Variants in SLC26A4 observed in about 807,000 individuals in gnomAD.
SLC26A4 encodes pendrin.
A neutral mutation model predicts 90.4 loss-of-function variants in SLC26A4; 93 were observed. The ratio of observed to expected loss-of-function variants is 1.03; its 90% CI spans 0.87 to 1.22. SLC26A4 has a LOEUF of 1.22. SLC26A4 is among the 50% of genes most tolerant of loss of function. SLC26A4 has a pLI of 0.00. For missense variants in SLC26A4, 1,127 were observed against 946.2 expected (o/e 1.19, Z -2.51); for synonymous variants, 393 against 354.6 (o/e 1.11, Z -1.22).
At position 107,661,819 on chromosome 7, in the gene SLC26A4, G is replaced by T; in HGVS notation, c.164+14G>T. On this transcript the variant is annotated intron_variant, in intron 2 of 20. Transcript: ENST00000644269. This position sits in a 1 kb window ranked among gnomAD's most constrained non-coding sequence, Gnocchi z 5.1. ...CAAGTGCTGCAGGTAGCGGCCGCGC[G>T]GGCCTGCGTAGAGAGAAGCGGAGCG... The T allele has an allele frequency of 6.5e-7, 1 of 1,533,702 alleles. No homozygotes were observed. The highest frequency in any genetic ancestry group is 8.7e-7 in the Non-Finnish European group (1 of 1,145,304).
intron 18 of SLC26A4, among the ~76,000 whole-genome samples, chr7:107,705,950 C>T (rs988312426): frequency 1.3e-5 from 2 of 152,178 alleles, no homozygotes; most frequent in Admixed American, 6.5e-5. Flanking sequence ...CTGAGTTGCT[C>T]AGCTTCAGCT....
intron 2 of SLC26A4, among the ~76,000 whole-genome samples, chr7:107,662,445 T>C (rs1245672250): frequency 1.3e-5 from 2 of 152,306 alleles, no homozygotes; most frequent in South Asian, 2.1e-4. Context: ...AGTAGTATAA[T>C]GAACTCCCCA....
chr7:107,680,515 T>C (rs889687376), intron 6 of SLC26A4, among the ~76,000 whole-genome samples: 1 of 148,102 alleles, frequency 6.8e-6, no homozygotes, highest in Admixed American at 6.8e-5. Context: ...ACAATAATAA[T>C]GTAAACTGAC....
intron 12 of SLC26A4, among the ~76,000 whole-genome samples, chr7:107,695,268 A>G (rs566387494): frequency 1.4e-3 from 216 of 152,280 alleles, no homozygotes; most frequent in Non-Finnish European, 2.4e-3. Flanking sequence ...GCTGGGGAAA[A>G]GCACAGACAC....
Position 107,715,583 on chromosome 7 carries a change from A to G in SLC26A4, c.*137A>G, listed in dbSNP as rs1792326234. 5.2e-6 allele frequency: 4 copies of G among 766,262 alleles called. No individual in the cohort carries two copies. The highest frequency in any genetic ancestry group is 9.5e-6 in the Non-Finnish European group (4 of 420,948). The allele number at this position is 766,262 out of a possible 1,614,324, so 47.5% of individuals were successfully genotyped here. A position where few individuals can be genotyped will look rare whatever the true frequency, so the allele number is the denominator to read the frequency against. ...AAAGAGAAGCACTAAGACTGCTTCT[A>G]GGCTTTATTTATAAAATAAACACCT... On this transcript the variant is annotated 3_prime_UTR_variant, in exon 21 of 21. Transcript: ENST00000644269.
rs1790532785 is a variant in SLC26A4, at chr7:107,661,130, C to T, written c.-4+275C>T. The stretch of plus-strand genomic sequence containing the variant: ...CCGCCTCTTGGGGACCCGCGGAGCG[C>T]GCCCTGACGGTTCCACGCCTGGCCC... On this transcript the variant is annotated intron_variant, in intron 1 of 20. Transcript: ENST00000644269. This position sits in a 1 kb window ranked among gnomAD's most constrained non-coding sequence, Gnocchi z 5.1. 2 of 159,986 alleles carry T rather than the reference C, an allele frequency of 1.3e-5. No homozygotes were observed. Among genetic ancestry groups the T allele is most frequent in the Non-Finnish European group, 2.7e-5 (2 of 73,300 alleles). 9.9% of individuals were successfully genotyped at this position (159,986 alleles called of 1,614,324 possible). A position where few individuals can be genotyped will look rare whatever the true frequency, so the allele number is the denominator to read the frequency against.
At chr7:107,699,650 C>T (rs1482256383) in intron 14 of SLC26A4, among the ~76,000 whole-genome samples, 6 of 152,048 alleles carry the variant, frequency 3.9e-5, no homozygotes, top group Non-Finnish European at 8.8e-5. Context: ...TTGTAGAGGC[C>T]GGGCACGGTG....
chr7:107,705,314 T>C (rs1454020903), intron 18 of SLC26A4, among the ~76,000 whole-genome samples: 1 of 152,168 alleles, frequency 6.6e-6, no homozygotes, highest in Non-Finnish European at 1.5e-5. Context: ...GTCTCTGAGT[T>C]TTTGTTGTTT....
At chr7:107,671,113 C>CTG (rs1790854212) in intron 3 of SLC26A4, among the ~76,000 whole-genome samples, 1 of 152,210 alleles carries the variant, frequency 6.6e-6, no homozygotes, top group South Asian at 2.1e-4. Context: ...TCAGACACAA[C>CTG]TGCCTCTGTG....
At chr7:107,693,622 G>A (rs757188455) in intron 10 of SLC26A4, 139 of 985,426 alleles carry the variant, frequency 1.4e-4, no homozygotes, top group Non-Finnish European at 1.6e-4. Flanking sequence ...CTAATCAAAC[G>A]AGAGAGTAGT....
At chr7:107,666,814 G>A (rs745815965) in intron 3 of SLC26A4, among the ~76,000 whole-genome samples, 37 of 152,122 alleles carry the variant, frequency 2.4e-4, no homozygotes, top group Admixed American at 9.8e-4. Flanking sequence ...CTCTCAGGAT[G>A]CCTCTTTAAA....
chr7:107,674,847 A>G (rs1482935086), intron 5 of SLC26A4, 98 bp from the exon 6 acceptor site: 10 of 1,137,092 alleles, frequency 8.8e-6, no homozygotes, highest in Non-Finnish European at 1.3e-5. Flanking sequence ...GCAGGCTACT[A>G]GTGTTTTCAT....
At chr7:107,697,005 T>C (rs968019946) in intron 13 of SLC26A4, among the ~76,000 whole-genome samples, 5 of 152,206 alleles carry the variant, frequency 3.3e-5, no homozygotes, top group African/African-American at 1.2e-4. Context: ...CTTCCCTACC[T>C]TGGCATATTG....
rs766951960 is a variant in SLC26A4 at position 107,674,199 on chromosome 7, G to C, written c.451G>C (p.Val151Leu). The C allele has an allele frequency of 3.1e-6, 5 of 1,614,126 alleles. No individual in the cohort carries two copies. The South Asian group carries it at 5.5e-5, about 18-fold the overall frequency. The change falls in exon 5 of 21, where the codon GTT becomes CTT. Residue 151 changes from valine (V) to leucine (L), a missense_variant. Transcript: ENST00000644269. ...AGTGGTGAGTTTAATGGTGGGATCT[G>C]TTGTTCTGAGCATGGCCCCCGACGA... ...FPVVSLMVGS[V>L]VLSMAPDEHF...
chr7:107,663,371 C>A lies in SLC26A4; in HGVS notation c.240C>A (p.Val80=). The A allele has an allele frequency of 1.9e-6, 3 of 1,614,110 alleles. No homozygotes were observed. The highest frequency in any genetic ancestry group is 2.5e-6 in the Non-Finnish European group (3 of 1,180,000). Residue 80 remains valine, a synonymous_variant, in exon 3 of 21, where the codon GTC becomes GTA. Transcript: ENST00000644269. ...PILEWLPKYR[V]KEWLLSDVIS... ...TGGAGTGGCTCCCCAAATACCGAGT[C>A]AAGGAATGGCTGCTTAGTGACGTCA...
At chr7:107,675,176 T>A in intron 6 of SLC26A4, 67 bp downstream of exon 6, 1 of 1,521,142 alleles carries the variant, frequency 6.6e-7, no homozygotes, top group African/African-American at 1.4e-5. Flanking sequence ...ATTCATTCTC[T>A]GAGTCTGGGC....
chr7:107,686,108 G>GGTGT (rs144481975), intron 8 of SLC26A4, among the ~76,000 whole-genome samples: 2 of 140,466 alleles, frequency 1.4e-5, no homozygotes, highest in African/African-American at 5.3e-5. Flanking sequence ...TGTGTGTGTG[G>GGTGT]GTGTGTGTGT....
At position 107,700,154 on chromosome 7, in the gene SLC26A4, T is replaced by TA. The variant is rs746427774; in HGVS notation, c.1692dup (p.Cys565MetfsTer9). 4.5e-6 allele frequency: 7 copies of TA among 1,567,040 alleles called. No individual in the cohort carries two copies. In the East Asian group the frequency reaches 9.0e-5, roughly 20 times the overall value. ...TTTTCTATGGCAATGTCGATGGTTT[T>TA]AAAAAATGTATCAAGTCCACAGTAA... On this transcript the variant is annotated frameshift_variant, in exon 15 of 21. Transcript: ENST00000644269. LOFTEE classifies it high-confidence loss of function.
At chr7:107,703,339 C>A (rs1791950229) in intron 17 of SLC26A4, among the ~76,000 whole-genome samples, 1 of 152,202 alleles carries the variant, frequency 6.6e-6, no homozygotes, top group African/African-American at 2.4e-5. Flanking sequence ...TGAGGTTCCA[C>A]TTAGCTAAGG....
Sources: gnomAD v4.1 joint callset for allele counts (sites outside exome capture counted in the v4.1 genomes callset) on GRCh38, gnomAD v4.1.1 for gene constraint, Gnocchi (gnomAD v3.1) non-coding constraint, MANE v1.5 for transcripts, NCBI Gene and HGNC (gene_info 2026-07-23, HGNC 2026-07-21) for gene names.